The following EXTL3 variants were observed in gnomAD, a reference collection of about 807,000 sequenced individuals.
The protein encoded by EXTL3 is exostosin-like 3.
Under a neutral mutation model 69.3 loss-of-function variants are expected in EXTL3, and 27 were observed. That is an observed-to-expected ratio of 0.39 (90% CI 0.29 to 0.54). The LOEUF (loss-of-function observed/expected upper bound fraction) is 0.54, where lower values mean the gene tolerates loss of function less well. Ranked by LOEUF, EXTL3 falls within the 20% of genes least tolerant of loss-of-function variation. The pLI is 0.69. For synonymous variants in EXTL3, 511 were observed against 499.4 expected, an observed-to-expected ratio of 1.02 and a Z score of -0.31; for missense variants, 1,003 against 1,231.8, an observed-to-expected ratio of 0.81 and a Z score of 2.78.
Position 28,716,256 on chromosome 8 carries a change from G to A in EXTL3, c.197G>A (p.Gly66Asp), listed in dbSNP as rs369407692. The A allele has an allele frequency of 2.2e-5, 35 of 1,614,078 alleles. No individual in the cohort carries two copies. Among genetic ancestry groups the A allele is most frequent in the Non-Finnish European group, 3.0e-5 (35 of 1,180,050 alleles). The change falls in exon 3 of 7, where the codon GGT becomes GAT. Residue 66 changes from glycine (G) to aspartate (D), a missense_variant. This residue lies in a region of EXTL3 where 742 missense variants were observed against 815.4 expected (regional missense o/e 0.91). Transcript: ENST00000220562. The surrounding 1 kb of genome is among the most constrained non-coding windows in gnomAD (Gnocchi z 7.1). Reference sequence around the variant, plus strand: ...GATGAGGCAGGCAAGCGGATTTTTGGTCCCCGGGTGGGGAACGAGCTGTGC... The same window carrying A: ...GATGAGGCAGGCAAGCGGATTTTTGATCCCCGGGTGGGGAACGAGCTGTGC... ...EADEAGKRIF[G>D]PRVGNELCEV...
chr8:28,622,585 G>C (rs1438687605), upstream of EXTL3: 4 of 150,178 alleles, frequency 2.7e-5, no homozygotes, highest in African/African-American at 9.8e-5. Context: ...GGCGGGGCCG[G>C]GAGCCGCCGA....
chr8:28,621,448 C>T (rs562459557), upstream of EXTL3, among the ~76,000 whole-genome samples: 1 of 152,288 alleles, frequency 6.6e-6, no homozygotes, highest in Non-Finnish European at 1.5e-5. Flanking sequence ...TTCCAGCGTC[C>T]AGGACTGTGA....
chr8:28,667,724 A>AG lies in EXTL3; in HGVS notation c.-53+44920dup, dbSNP rs201861646. Among the ~76,000 whole-genome samples the AG allele has an allele frequency of 1.2e-3, 76 of 64,610 alleles. 1 individual carries two copies. In the East Asian group the frequency reaches 0.031, roughly 27 times the overall value. 42.4% of individuals were successfully genotyped at this position (64,610 alleles called of 152,430 possible). Reference sequence around the variant, plus strand: ...TATTTTCTTCCCTTGGTGTGGGGGGAGGGGGGAGGGACAGCATTAGGAGAT... The same window carrying AG: ...TATTTTCTTCCCTTGGTGTGGGGGGAGGGGGGGAGGGACAGCATTAGGAGAT... On this transcript the variant is annotated intron_variant, in intron 1 of 6. Transcript: ENST00000523149.
At chr8:28,660,594 G>A (rs1164931403) in intron 1 of EXTL3, among the ~76,000 whole-genome samples, 1 of 151,992 alleles carries the variant, frequency 6.6e-6, no homozygotes, top group African/African-American at 2.4e-5. Context: ...GTACAGTTCA[G>A]TGGTATTAAA....
At chr8:28,756,137 G>C (rs1802118461), downstream of EXTL3, among the ~76,000 whole-genome samples, 1 of 152,168 alleles carries the variant, frequency 6.6e-6, no homozygotes, top group Admixed American at 6.5e-5. Flanking sequence ...TCTTCAGTGT[G>C]CATTCTTTTG....
chr8:28,649,929 G>T (rs1806890929), intron 1 of EXTL3, among the ~76,000 whole-genome samples: 1 of 151,984 alleles, frequency 6.6e-6, no homozygotes, highest in Non-Finnish European at 1.5e-5. Context: ...GGGCACGGTG[G>T]GTCACACCTG....
At chr8:28,658,819 G>A (rs1807056606) in intron 1 of EXTL3, among the ~76,000 whole-genome samples, 1 of 152,092 alleles carries the variant, frequency 6.6e-6, no homozygotes, top group South Asian at 2.1e-4. Flanking sequence ...AACCTCAAGT[G>A]ATCCACCCAC....
At chr8:28,708,140 C>T (rs530638751) in intron 1 of EXTL3, among the ~76,000 whole-genome samples, 3 of 152,310 alleles carry the variant, frequency 2.0e-5, no homozygotes, top group African/African-American at 7.2e-5. Context: ...TCAAACAGCC[C>T]TGTAATAAGG....
chr8:28,656,582 C>T (rs1807015050), intron 1 of EXTL3, among the ~76,000 whole-genome samples: 2 of 152,158 alleles, frequency 1.3e-5, no homozygotes, highest in South Asian at 2.1e-4. Context: ...TGCTATAGGG[C>T]TGTTCCCAAC....
chr8:28,699,712 T>A (rs556983382), upstream of EXTL3: 1 of 152,530 alleles, frequency 6.6e-6, no homozygotes, highest in African/African-American at 2.4e-5. Flanking sequence ...TTTCACCATG[T>A]TGGCCAGGCT....
At chr8:28,669,577 G>A (rs1430923903) in intron 1 of EXTL3, among the ~76,000 whole-genome samples, 1 of 152,178 alleles carries the variant, frequency 6.6e-6, no homozygotes, top group African/African-American at 2.4e-5. Context: ...GAAATGGAGG[G>A]CAGAAAGCCC....
chr8:28,716,050 C>T lies in EXTL3; in HGVS notation c.-10C>T. 6.3e-7 allele frequency: 1 copy of T among 1,595,116 alleles called. No homozygotes were observed. Among genetic ancestry groups the T allele is most frequent in the Non-Finnish European group, 8.5e-7 (1 of 1,172,828 alleles). On this transcript the variant is annotated 5_prime_UTR_variant, in exon 3 of 7. Coordinates refer to ENST00000220562, the MANE Select transcript of EXTL3 (RefSeq NM_001440.4). The surrounding 1 kb of genome is among the most constrained non-coding windows in gnomAD (Gnocchi z 7.1). ...CCGACGTGATCTGGGGGGCAGGCTG[C>T]AGAGGACTCATGACAGGCTATACCA...
intron 1 of EXTL3, among the ~76,000 whole-genome samples, chr8:28,692,834 T>C (rs1026292068): frequency 6.6e-6 from 1 of 152,224 alleles, no homozygotes; most frequent in African/African-American, 2.4e-5. Context: ...TTGAGCTGTA[T>C]ATAAATGTGA....
chr8:28,617,770 A>G (rs139974856), upstream of EXTL3, among the ~76,000 whole-genome samples: 10 of 152,350 alleles, frequency 6.6e-5, no homozygotes, highest in Middle Eastern at 3.4e-3. Flanking sequence ...ACAGAGCAAG[A>G]CACTGTCCTC....
At chr8:28,649,869 C>T (rs1486208884) in intron 1 of EXTL3, among the ~76,000 whole-genome samples, 3 of 151,464 alleles carry the variant, frequency 2.0e-5, no homozygotes, top group Admixed American at 2.0e-4. Context: ...TTTTTTACAT[C>T]AAGCTATAAG....
chr8:28,735,386 G>A (rs1277510831), intron 4 of EXTL3, among the ~76,000 whole-genome samples: 1 of 152,168 alleles, frequency 6.6e-6, no homozygotes, highest in Non-Finnish European at 1.5e-5. Flanking sequence ...TAACATAGCT[G>A]GCATTAACAT....
intron 1 of EXTL3, among the ~76,000 whole-genome samples, chr8:28,650,675 A>G: frequency 6.6e-6 from 1 of 151,514 alleles, no homozygotes; most frequent in East Asian, 1.9e-4. Context: ...TTCTTTACTG[A>G]TTATTTCTCT....
rs553849700 is a variant in EXTL3, at chr8:28,718,268, T to G, written c.2148+61T>G. The G allele has an allele frequency of 1.3e-5, 20 of 1,526,546 alleles. 1 individual carries two copies. In the South Asian group the frequency reaches 2.1e-4, roughly 16 times the overall value. 94.6% of individuals were successfully genotyped at this position (1,526,546 alleles called of 1,614,324 possible). A position where few individuals can be genotyped will look rare whatever the true frequency, so the allele number is the denominator to read the frequency against. The stretch of plus-strand genomic sequence containing the variant: ...AAATAGTATTTCACTCTTAATCCCT[T>G]TTCCAACTTCCTTCACTTTAGCAAT... On this transcript the variant is annotated intron_variant, in intron 3 of 6. Coordinates refer to ENST00000220562, the MANE Select transcript of EXTL3 (RefSeq NM_001440.4).
chr8:28,689,350 C>G (rs1189473580), intron 1 of EXTL3, among the ~76,000 whole-genome samples: 1 of 152,178 alleles, frequency 6.6e-6, no homozygotes, highest in Non-Finnish European at 1.5e-5. Context: ...TCCCACAGCT[C>G]CAGCCTCCCA....
Sources: gnomAD v4.1 joint callset for allele counts (sites outside exome capture counted in the v4.1 genomes callset) on GRCh38, gnomAD v4.1.1 for gene constraint, gnomAD v4.1.1 regional missense constraint, Gnocchi (gnomAD v3.1) non-coding constraint, MANE v1.5 for transcripts, NCBI Gene and HGNC (gene_info 2026-07-23, HGNC 2026-07-21) for gene names.